Variants in RAD51B observed in about 807,000 individuals in gnomAD.
RAD51B encodes the protein DNA repair protein RAD51 homolog 2.
In RAD51B, 38 loss-of-function variants were observed where a neutral mutation model predicts 42.2. The ratio of observed to expected loss-of-function variants is 0.90; its 90% confidence interval spans 0.70 to 1.18. The LOEUF (loss-of-function observed/expected upper bound fraction) is 1.18, where lower values mean the gene tolerates loss of function less well. RAD51B is among the 50% of genes most tolerant of loss of function. The pLI is 0.00. For synonymous variants in RAD51B, 154 were observed against 145.2 expected, an observed-to-expected ratio of 1.06 and a Z score of -0.43; for missense variants, 373 against 400.7, an observed-to-expected ratio of 0.93 and a Z score of 0.59.
intron 7 of RAD51B, among the ~76,000 whole-genome samples, chr14:68,089,553 T>A (rs2077055082): frequency 6.6e-6 from 1 of 152,132 alleles, no homozygotes; most frequent in Admixed American, 6.6e-5. Context: ...ACTATAAAAA[T>A]AAAATACTGT....
At chr14:68,266,361 G>T (rs2080992230) in intron 7 of RAD51B, among the ~76,000 whole-genome samples, 2 of 152,206 alleles carry the variant, frequency 1.3e-5, no homozygotes, top group South Asian at 4.1e-4. Flanking sequence ...TCATCTAATG[G>T]TAATCAACTA....
intron 7 of RAD51B, among the ~76,000 whole-genome samples, chr14:68,140,227 T>G (rs542175585): frequency 6.6e-6 from 1 of 152,302 alleles, no homozygotes; most frequent in African/African-American, 2.4e-5. Flanking sequence ...GACCAAACAC[T>G]GAAGGAAGAA....
intron 7 of RAD51B, among the ~76,000 whole-genome samples, chr14:68,210,963 C>T (rs956657992): frequency 6.6e-6 from 1 of 152,196 alleles, no homozygotes; most frequent in Non-Finnish European, 1.5e-5. Context: ...TTTCGCATTC[C>T]ATTCTTTACT....
intron 10 of RAD51B, among the ~76,000 whole-genome samples, chr14:68,548,610 G>A (rs1594962835): frequency 6.6e-6 from 1 of 152,200 alleles, no homozygotes; most frequent in East Asian, 1.9e-4. Flanking sequence ...TTGGGGTCTT[G>A]GGAGAAATGA....
At chr14:67,911,624 A>G (rs961484633) in intron 7 of RAD51B, among the ~76,000 whole-genome samples, 7 of 152,156 alleles carry the variant, frequency 4.6e-5, no homozygotes, top group African/African-American at 1.7e-4. Flanking sequence ...TTATACTTTG[A>G]TATGATTTTT....
chr14:68,486,946 C>T (rs993272107), intron 10 of RAD51B, among the ~76,000 whole-genome samples: 1 of 152,180 alleles, frequency 6.6e-6, no homozygotes, highest in African/African-American at 2.4e-5. Context: ...CTGGAGAAAC[C>T]ATAGACCTTC....
rs542927617 is a variant in RAD51B at position 68,577,000 on chromosome 14, C to A, written c.1037-17485C>A. 7.9e-5 allele frequency among the ~76,000 whole-genome samples: 12 copies of A among 152,316 alleles called. No individual in the cohort carries two copies. In the East Asian group the frequency reaches 2.1e-3, roughly 27 times the overall value. ...TGGTTTGCTGAGATTCCCTGGAAAG[C>A]AAGCTTGGGAGGCCAGGGTCTGTCA... is the stretch of plus-strand genomic sequence containing the variant. On this transcript the variant is annotated intron_variant, in intron 10 of 10. Transcript: ENST00000487270.
chr14:67,961,132 G>A (rs947869567), intron 7 of RAD51B, among the ~76,000 whole-genome samples: 4 of 151,692 alleles, frequency 2.6e-5, no homozygotes, highest in East Asian at 3.9e-4. Flanking sequence ...TCAACCTCCC[G>A]AGTAGCTGGG....
At chr14:67,948,094 G>A (rs561910589) in intron 7 of RAD51B, among the ~76,000 whole-genome samples, 63 of 152,184 alleles carry the variant, frequency 4.1e-4, no homozygotes, top group Non-Finnish European at 8.7e-4. Flanking sequence ...TATAAAGTAC[G>A]AAATTGAATA....
chr14:68,286,424 G>A (rs1863537712), intron 7 of RAD51B, among the ~76,000 whole-genome samples: 1 of 152,158 alleles, frequency 6.6e-6, no homozygotes, highest in African/African-American at 2.4e-5. Context: ...GACCAAACAG[G>A]ACCAGATATC....
chr14:68,551,329 A>G (rs1225210967), intron 10 of RAD51B, among the ~76,000 whole-genome samples: 2 of 152,166 alleles, frequency 1.3e-5, no homozygotes, highest in Non-Finnish European at 2.9e-5. Flanking sequence ...GGGCCCCTTC[A>G]GCCCCAAGTC....
At chr14:68,243,089 T>A (rs2080426339) in intron 7 of RAD51B, among the ~76,000 whole-genome samples, 2 of 152,354 alleles carry the variant, frequency 1.3e-5, no homozygotes, top group Middle Eastern at 3.4e-3. Context: ...TATTTATTAC[T>A]GTTATTAAGA....
At chr14:68,019,725 A>C (rs1032846103) in intron 7 of RAD51B, among the ~76,000 whole-genome samples, 1 of 152,168 alleles carries the variant, frequency 6.6e-6, no homozygotes, top group African/African-American at 2.4e-5. Context: ...TGATTTTATC[A>C]GTTAAGATTA....
At chr14:68,019,121 T>C (rs1376116632) in intron 7 of RAD51B, among the ~76,000 whole-genome samples, 3 of 150,606 alleles carry the variant, frequency 2.0e-5, no homozygotes, top group East Asian at 1.9e-4. Flanking sequence ...CCAGTAAACA[T>C]ATATGAAAAA....
At chr14:67,842,644 A>G (rs933464502) in intron 4 of RAD51B, among the ~76,000 whole-genome samples, 1 of 152,210 alleles carries the variant, frequency 6.6e-6, no homozygotes, top group African/African-American at 2.4e-5. Flanking sequence ...TTCTGGGATT[A>G]CAGGCATGTG....
At chr14:68,361,776 A>G (rs1473805934) in intron 8 of RAD51B, among the ~76,000 whole-genome samples, 1 of 152,126 alleles carries the variant, frequency 6.6e-6, no homozygotes, top group East Asian at 1.9e-4. Flanking sequence ...CCCAGGTTCG[A>G]GAGATTCTTC....
intron 4 of RAD51B, among the ~76,000 whole-genome samples, chr14:67,843,249 C>CATT (rs1555404962): frequency 6.7e-6 from 1 of 149,540 alleles, no homozygotes; most frequent in South Asian, 2.1e-4. Flanking sequence ...TGTGCTGCAC[C>CATT]AACTGGTCAT....
chr14:68,294,435 A>T (rs935001648), intron 8 of RAD51B, among the ~76,000 whole-genome samples: 1 of 152,216 alleles, frequency 6.6e-6, no homozygotes, highest in African/African-American at 2.4e-5. Context: ...ATTACAATGG[A>T]TGTTAAGTTC....
intron 8 of RAD51B, among the ~76,000 whole-genome samples, chr14:68,327,961 A>G (rs1010891994): frequency 1.3e-5 from 2 of 152,088 alleles, no homozygotes; most frequent in African/African-American, 2.4e-5. Flanking sequence ...CCTTTAAATC[A>G]CTGTCAAAAG....
Sources: gnomAD v4.1 joint callset for allele counts (sites outside exome capture counted in the v4.1 genomes callset) on GRCh38, gnomAD v4.1.1 for gene constraint, MANE v1.5 for transcripts, NCBI Gene and HGNC (gene_info 2026-07-23, HGNC 2026-07-21) for gene names.